Variants in DPP10 observed in about 807,000 individuals in gnomAD.
DPP10 encodes the protein inactive dipeptidyl peptidase 10.
DPP10 carries 33 observed loss-of-function variants against 120.9 expected under a neutral mutation model. The observed-to-expected ratio is 0.27, with a 90% CI of 0.21 to 0.37. The LOEUF (loss-of-function observed/expected upper bound fraction) is 0.37. DPP10 is among the 10% of genes least tolerant of loss of function. The pLI is 1.00. For missense variants in DPP10, 816 were observed against 942.8 expected (o/e 0.87, Z 1.76); for synonymous variants, 337 against 326.1 (o/e 1.03, Z -0.36).
At chr2:115,046,918 T>C (rs1705112853) in intron 1 of DPP10, among the ~76,000 whole-genome samples, 1 of 152,108 alleles carries the variant, frequency 6.6e-6, no homozygotes. Context: ...AATTGCAGAT[T>C]GAAACATGTG....
At chr2:115,560,921 C>G (rs980780640) in intron 5 of DPP10, among the ~76,000 whole-genome samples, 5 of 152,134 alleles carry the variant, frequency 3.3e-5, no homozygotes, top group African/African-American at 9.7e-5. Flanking sequence ...AGACATCTAT[C>G]TTCACCACTC....
At chr2:114,561,411 C>A (rs1391725594) in intron 1 of DPP10, among the ~76,000 whole-genome samples, 1 of 152,038 alleles carries the variant, frequency 6.6e-6, no homozygotes, top group Non-Finnish European at 1.5e-5. Flanking sequence ...CCACATACAT[C>A]TGCACACATG....
intron 1 of DPP10, among the ~76,000 whole-genome samples, chr2:114,491,297 C>A (rs1462244954): frequency 6.6e-6 from 1 of 152,130 alleles, no homozygotes; most frequent in Non-Finnish European, 1.5e-5. Flanking sequence ...AATTTTCATT[C>A]ATAACATAAT....
intron 1 of DPP10, among the ~76,000 whole-genome samples, chr2:114,801,280 G>A (rs144460720): frequency 1.8e-3 from 112 of 62,682 alleles, no homozygotes; most frequent in East Asian, 2.7e-3. Flanking sequence ...AAAAAAAAAA[G>A]AAAAAAAGAA....
intron 1 of DPP10, among the ~76,000 whole-genome samples, chr2:114,625,517 A>G (rs971498168): frequency 1.3e-5 from 2 of 152,008 alleles, no homozygotes; most frequent in Non-Finnish European, 2.9e-5. Context: ...AAGTTGAAGT[A>G]CTTCTATGAA....
Position 115,768,385 on chromosome 2 carries a change from T to C in DPP10, c.1202T>C (p.Val401Ala). ...KQGGRGEFHH[V>A]AMFLIQSKSE... is the part of the protein sequence containing the mutation. The stretch of plus-strand genomic sequence containing the variant: ...GGGGGACGTGGAGAATTTCACCACG[T>C]AGCTATGTTCCTCATCCAGGTAAGT... The change falls in exon 13 of 26, where the codon GTA (valine) becomes GCA (alanine). Residue 401 changes from valine (V) to alanine (A), a missense_variant. Physicochemically the swap from Val to Ala is moderately conservative, Grantham distance 64. Transcript: ENST00000410059. 5.0e-6 allele frequency: 8 copies of C among 1,613,256 alleles called. No homozygotes were observed. The highest frequency in any genetic ancestry group is 6.8e-6 in the Non-Finnish European group (8 of 1,179,418).
chr2:114,584,877 A>C (rs1216148099), intron 1 of DPP10, among the ~76,000 whole-genome samples: 1 of 152,140 alleles, frequency 6.6e-6, no homozygotes, highest in African/African-American at 2.4e-5. Context: ...TGAAGACTTG[A>C]ACATTATGTG....
chr2:115,437,280 A>G (rs953237808), intron 3 of DPP10, among the ~76,000 whole-genome samples: 1 of 152,080 alleles, frequency 6.6e-6, no homozygotes, highest in African/African-American at 2.4e-5. Flanking sequence ...TTTTTTATAC[A>G]TACAAATCAC....
chr2:115,295,048 T>C (rs1027832390), intron 1 of DPP10, among the ~76,000 whole-genome samples: 2 of 152,016 alleles, frequency 1.3e-5, no homozygotes, highest in Admixed American at 6.6e-5. Flanking sequence ...TCACGCAAAA[T>C]GAACTTTTAG....
chr2:114,919,052 A>G (rs1375774286), intron 1 of DPP10, among the ~76,000 whole-genome samples: 1 of 147,190 alleles, frequency 6.8e-6, no homozygotes, highest in Admixed American at 6.8e-5. Flanking sequence ...AAAAAAAAAA[A>G]AAGACCTTTC....
intron 1 of DPP10, among the ~76,000 whole-genome samples, chr2:114,768,605 AG>A (rs1348163359): frequency 2.0e-5 from 3 of 152,116 alleles, no homozygotes; most frequent in African/African-American, 7.2e-5. Flanking sequence ...CCCCATCTCA[AG>A]GGTCGTACCC....
chr2:115,407,443 G>A (rs2068599233), intron 3 of DPP10, among the ~76,000 whole-genome samples: 1 of 152,148 alleles, frequency 6.6e-6, no homozygotes, highest in South Asian at 2.1e-4. Flanking sequence ...TGGGGAAATG[G>A]CAGTCAGATC....
chr2:115,537,090 A>G (rs1243440347), intron 5 of DPP10, among the ~76,000 whole-genome samples: 2 of 151,058 alleles, frequency 1.3e-5, no homozygotes, highest in Non-Finnish European at 2.9e-5. Flanking sequence ...AAATAATATC[A>G]TGTTCTCATT....
At chr2:115,377,432 ATTG>A (rs2065898824) in intron 3 of DPP10, among the ~76,000 whole-genome samples, 5 of 152,098 alleles carry the variant, frequency 3.3e-5, no homozygotes. Context: ...GTTTAAGTTC[ATTG>A]TACATTCTGG....
At chr2:114,487,869 A>C (rs1020393898) in intron 1 of DPP10, among the ~76,000 whole-genome samples, 3 of 152,182 alleles carry the variant, frequency 2.0e-5, no homozygotes, top group Non-Finnish European at 4.4e-5. Flanking sequence ...ATCGGAAGTG[A>C]TTTCTAGATG....
chr2:115,621,044 A>G (rs1193381457), intron 5 of DPP10, among the ~76,000 whole-genome samples: 1 of 152,194 alleles, frequency 6.6e-6, no homozygotes, highest in Non-Finnish European at 1.5e-5. Flanking sequence ...TCACCTGGGG[A>G]TAGAAAGATC....
chr2:115,586,684 G>T (rs1306758665), intron 5 of DPP10, among the ~76,000 whole-genome samples: 1 of 151,520 alleles, frequency 6.6e-6, no homozygotes, highest in Non-Finnish European at 1.5e-5. Context: ...TTTTGTTTTT[G>T]TTTTTGTTTT....
chr2:115,486,187 G>A (rs1019405755), intron 3 of DPP10, among the ~76,000 whole-genome samples: 6 of 151,816 alleles, frequency 4.0e-5, no homozygotes, highest in African/African-American at 1.2e-4. Flanking sequence ...ATCACCTTTT[G>A]TATGTCAATA....
Position 115,637,992 on chromosome 2 carries a change from A to G in DPP10, c.442-51695A>G, listed in dbSNP as rs146577963. On this transcript the variant is annotated intron_variant, in intron 5 of 25. Coordinates refer to ENST00000410059, the MANE Select transcript of DPP10 (RefSeq NM_020868.6). The stretch of plus-strand genomic sequence containing the variant: ...GAAGAAGAGCCAGAGATCTGATTGC[A>G]TGTTAGGCTTCACTCTAGACTGTAG... 7.3e-4 allele frequency among the ~76,000 whole-genome samples: 111 copies of G among 152,344 alleles called. No homozygotes were observed. The Middle Eastern group carries it at 0.014, about 19-fold the overall frequency.
Sources: gnomAD v4.1 joint callset for allele counts (sites outside exome capture counted in the v4.1 genomes callset) on GRCh38, gnomAD v4.1.1 for gene constraint, MANE v1.5 for transcripts, NCBI Gene and HGNC (gene_info 2026-07-23, HGNC 2026-07-21) for gene names.